VAC14: variants seen among roughly 807,000 people sequenced by gnomAD.
The protein encoded by VAC14 is protein VAC14 homolog.
Under a neutral mutation model 85.3 loss-of-function variants are expected in VAC14, and 47 were observed. The observed-to-expected ratio is 0.55, with a 90% CI of 0.44 to 0.70. The LOEUF (loss-of-function observed/expected upper bound fraction) is 0.70, where lower values mean the gene tolerates loss of function less well. Ranked by LOEUF, VAC14 falls within the 30% of genes least tolerant of loss-of-function variation. The pLI is 0.00. For synonymous variants in VAC14, 447 were observed against 430.5 expected, an observed-to-expected ratio of 1.04 and a Z score of -0.47; for missense variants, 861 against 1,004.3, an observed-to-expected ratio of 0.86 and a Z score of 1.93.
At chr16:70,787,215 C>A (rs528613894) in intron 1 of VAC14, among the ~76,000 whole-genome samples, 1 of 152,272 alleles carries the variant, frequency 6.6e-6, no homozygotes, top group East Asian at 1.9e-4. Context: ...GAGACTGATG[C>A]CGGGGACGTT....
chr16:70,790,483 T>C (rs2034285658), intron 1 of VAC14, among the ~76,000 whole-genome samples: 1 of 152,174 alleles, frequency 6.6e-6, no homozygotes, highest in Non-Finnish European at 1.5e-5. Context: ...CAGAAGACCA[T>C]GAGCTCGCAC....
At chr16:70,719,731 G>A (rs113524214) in intron 14 of VAC14, among the ~76,000 whole-genome samples, 2 of 152,196 alleles carry the variant, frequency 1.3e-5, no homozygotes, top group Non-Finnish European at 2.9e-5. Flanking sequence ...CCAAGTGTTG[G>A]TGAGGACGTG....
At chr16:70,703,826 A>G (rs1409408331) in intron 14 of VAC14, among the ~76,000 whole-genome samples, 2 of 152,148 alleles carry the variant, frequency 1.3e-5, no homozygotes, top group African/African-American at 4.8e-5. Context: ...CTTAGCCTTA[A>G]GAACTGAGAC....
intron 14 of VAC14, among the ~76,000 whole-genome samples, chr16:70,703,535 TC>T (rs1297599022): frequency 3.9e-5 from 6 of 152,140 alleles, no homozygotes; most frequent in African/African-American, 7.2e-5. Context: ...TAGGGAAGGC[TC>T]CTCCCTCAGT....
intron 14 of VAC14, among the ~76,000 whole-genome samples, chr16:70,726,004 G>A (rs931953820): frequency 6.6e-6 from 1 of 152,280 alleles, no homozygotes; most frequent in Non-Finnish European, 1.5e-5. Context: ...GCGGCTGGCC[G>A]GAGGGCCGTG....
chr16:70,768,982 T>A (rs920873452), intron 10 of VAC14: 214 of 281,914 alleles, frequency 7.6e-4, no homozygotes, highest in African/African-American at 4.4e-3. Context: ...TTTTTTTTTT[T>A]AATTTTTATT....
At chr16:70,690,604 G>C (rs1948762971) in intron 18 of VAC14, 1 of 985,342 alleles carries the variant, frequency 1.0e-6, no homozygotes. Flanking sequence ...GGAGCACACA[G>C]AACCAGGGAT....
intron 12 of VAC14, among the ~76,000 whole-genome samples, chr16:70,760,962 G>GGTGTGTGTGTGTGTGTGTGTGT (rs10671938): frequency 2.1e-5 from 1 of 47,626 alleles, no homozygotes; most frequent in Non-Finnish European, 3.9e-5. Context: ...ACGAAGAGAG[G>GGTGTGTGTGTGTGTGTGTGTGT]GTGTGTGTGT....
intron 12 of VAC14, chr16:70,761,090 G>C (rs1026214238): frequency 5.6e-5 from 24 of 424,880 alleles, no homozygotes; most frequent in African/African-American, 4.9e-4. Flanking sequence ...GGATTTTTCT[G>C]GTAATACAGA....
At chr16:70,703,521 C>T (rs1186740235) in intron 14 of VAC14, among the ~76,000 whole-genome samples, 1 of 152,206 alleles carries the variant, frequency 6.6e-6, no homozygotes, top group Non-Finnish European at 1.5e-5. Context: ...AGACACACGC[C>T]ATTTAGGGAA....
At position 70,786,322 on chromosome 16, in the gene VAC14, T is replaced by A; in HGVS notation, c.148A>T (p.Lys50Ter). ...TGGGACAGGGTCTGGATCACATGCT[T>A]GATTTGCACGGTATTGTTCTGGGCC... ...FVAQNNTVQI[K>*]HVIQTLSQEF... Residue 50 changes from lysine to a stop codon, truncating the protein, a stop_gained, in exon 2 of 19, where the codon AAG becomes TAG. Transcript: ENST00000261776. LOFTEE classifies it high-confidence loss of function. 1 of 1,614,192 alleles carries A rather than the reference T, an allele frequency of 6.2e-7. No homozygotes were observed. The highest frequency in any genetic ancestry group is 8.5e-7 in the Non-Finnish European group (1 of 1,180,042).
intron 12 of VAC14, among the ~76,000 whole-genome samples, chr16:70,753,836 G>A (rs1220692006): frequency 5.9e-5 from 9 of 152,176 alleles, no homozygotes; most frequent in Non-Finnish European, 1.2e-4. Context: ...CAGGCAACTC[G>A]CCCTGCAGCT....
intron 10 of VAC14, among the ~76,000 whole-genome samples, chr16:70,764,434 G>C (rs1260008677): frequency 6.6e-6 from 1 of 152,160 alleles, no homozygotes; most frequent in Non-Finnish European, 1.5e-5. Flanking sequence ...GCTAGCCTGA[G>C]ACAGACGGGG....
Position 70,800,783 on chromosome 16 carries a change from C to G in VAC14, c.104+14G>C. ...GGGGCTGCATAGCCAGGGAGGGGTC[C>G]TGGCGGCTCTTACTTCTCGATCTCC... On this transcript the variant is annotated intron_variant, in intron 1 of 18. Coordinates refer to ENST00000261776, the MANE Select transcript of VAC14 (RefSeq NM_018052.5). 1 of 1,608,208 alleles carries G rather than the reference C, an allele frequency of 6.2e-7. No individual in the cohort carries two copies. The highest frequency in any genetic ancestry group is 8.5e-7 in the Non-Finnish European group (1 of 1,176,936).
At chr16:70,774,020 C>G (rs1394051930) in intron 9 of VAC14, among the ~76,000 whole-genome samples, 1 of 152,014 alleles carries the variant, frequency 6.6e-6, no homozygotes, top group African/African-American at 2.4e-5. Flanking sequence ...AGTGATCCAC[C>G]CACCTCAGCC....
At chr16:70,695,523 G>A (rs750153269) in intron 17 of VAC14, 21 bp downstream of exon 17, 4 of 1,612,714 alleles carry the variant, frequency 2.5e-6, no homozygotes, top group African/African-American at 2.7e-5. Flanking sequence ...GGCGCGAGGT[G>A]TGGTGGGAGG....
chr16:70,779,429 G>C (rs750669766), intron 9 of VAC14, among the ~76,000 whole-genome samples: 1 of 152,194 alleles, frequency 6.6e-6, no homozygotes, highest in African/African-American at 2.4e-5. Context: ...CAAATTAGCT[G>C]AAACTGTCAT....
In VAC14 at chr16:70,744,137, C is replaced by A. The variant is rs537458883; in HGVS notation, c.1528+286G>T. Among the ~76,000 whole-genome samples the A allele has an allele frequency of 2.1e-4, 32 of 152,246 alleles. 1 individual carries two copies. The South Asian group carries it at 6.4e-3, about 31-fold the overall frequency. ...CTGCCTAGGCAGAGAGACCAGCAGCCGACCCAGATGGTTTTATGTTTAGCC... is the reference window on the plus strand; with the variant it reads ...CTGCCTAGGCAGAGAGACCAGCAGCAGACCCAGATGGTTTTATGTTTAGCC... On this transcript the variant is annotated intron_variant, in intron 13 of 18. Transcript: ENST00000261776.
At chr16:70,707,602 C>A (rs1225630500) in intron 14 of VAC14, among the ~76,000 whole-genome samples, 1 of 152,132 alleles carries the variant, frequency 6.6e-6, no homozygotes, top group Admixed American at 6.5e-5. Flanking sequence ...ACAGAGGCAG[C>A]TGAAGCCTCA....
Sources: gnomAD v4.1 joint callset for allele counts (sites outside exome capture counted in the v4.1 genomes callset) on GRCh38, gnomAD v4.1.1 for gene constraint, MANE v1.5 for transcripts, NCBI Gene and HGNC (gene_info 2026-07-23, HGNC 2026-07-21) for gene names.